KIAA1549: variants seen among roughly 807,000 people sequenced by gnomAD.
KIAA1549 encodes KIAA1549.
A neutral mutation model predicts 156.4 loss-of-function variants in KIAA1549; 70 were observed. The observed-to-expected ratio is 0.45, with a 90% CI of 0.37 to 0.55. The LOEUF (loss-of-function observed/expected upper bound fraction) is 0.55. KIAA1549 is among the 20% of genes least tolerant of loss of function. The pLI, the probability that KIAA1549 is intolerant of heterozygous loss-of-function variation, is 0.00. For synonymous variants in KIAA1549, 1,103 were observed against 1,066.4 expected (o/e 1.03, Z -0.67); for missense variants, 2,428 against 2,540.9 (o/e 0.96, Z 0.96).
At chr7:138,874,547 A>AT (rs1461580100) in intron 12 of KIAA1549, among the ~76,000 whole-genome samples, 3 of 152,210 alleles carry the variant, frequency 2.0e-5, no homozygotes, top group African/African-American at 7.2e-5. Context: ...CTTGGATGAC[A>AT]TTAAGTAAAA....
Position 138,861,134 on chromosome 7 carries a change from C to CTTA in KIAA1549, c.5247+2_5247+4dup. 1 of 1,613,610 alleles carries CTTA rather than the reference C, an allele frequency of 6.2e-7. No individual in the cohort carries two copies. The highest frequency in any genetic ancestry group is 8.5e-7 in the Non-Finnish European group (1 of 1,179,776). The stretch of plus-strand genomic sequence containing the variant: ...ATCAGAGAATTCTAGAAGGCCAGTA[C>CTTA]TTACACTGCAGGGATTGTTGGCCGT... On this transcript the variant is annotated splice_donor_region_variant and intron_variant, in intron 16 of 19. Coordinates refer to ENST00000422774, the MANE Select transcript of KIAA1549 (RefSeq NM_001164665.2).
intron 13 of KIAA1549, among the ~76,000 whole-genome samples, chr7:138,870,725 T>A (rs1456850726): frequency 6.6e-6 from 1 of 152,228 alleles, no homozygotes; most frequent in African/African-American, 2.4e-5. Flanking sequence ...ACATTAAGAA[T>A]CCTTGTCAGC....
intron 1 of KIAA1549, among the ~76,000 whole-genome samples, chr7:138,950,280 A>G (rs1356440796): frequency 6.6e-6 from 1 of 152,234 alleles, no homozygotes; most frequent in Non-Finnish European, 1.5e-5. Flanking sequence ...AATATATATA[A>G]AATTTCAAAA....
At chr7:138,902,035 G>T (rs10954637) in intron 8 of KIAA1549, among the ~76,000 whole-genome samples, 108,482 of 152,134 alleles carry the variant, frequency 0.71, 39,020 homozygotes, top group East Asian at 0.89. Context: ...TTGGGCTCTA[G>T]GAAGCCAGGG....
rs534613029 is a variant in KIAA1549, at chr7:138,880,069, T to C, written c.4230-416A>G. 2.0e-5 allele frequency among the ~76,000 whole-genome samples: 3 copies of C among 152,330 alleles called. No individual in the cohort carries two copies. The South Asian group carries it at 6.2e-4, about 32-fold the overall frequency. ...AATCCTCAGGATGCTAGAGTAGCTA[T>C]GCAGTCACCCCAAATAACTCCAGAT... On this transcript the variant is annotated intron_variant, in intron 11 of 19. Coordinates refer to ENST00000422774, the MANE Select transcript of KIAA1549 (RefSeq NM_001164665.2).
At chr7:138,865,727 T>C (rs1810719235) in intron 15 of KIAA1549, among the ~76,000 whole-genome samples, 1 of 152,106 alleles carries the variant, frequency 6.6e-6, no homozygotes, top group South Asian at 2.1e-4. Context: ...AAAACGATGC[T>C]GCAAAGCTAC....
intron 10 of KIAA1549, among the ~76,000 whole-genome samples, chr7:138,888,872 T>A (rs1811471973): frequency 2.0e-5 from 3 of 152,232 alleles, no homozygotes; most frequent in African/African-American, 7.2e-5. Flanking sequence ...CAAGCCTTTT[T>A]CAGATGCCTG....
intron 4 of KIAA1549, among the ~76,000 whole-genome samples, chr7:138,909,678 G>A (rs765371609): frequency 6.2e-4 from 94 of 152,280 alleles, no homozygotes; most frequent in African/African-American, 2.2e-3. Flanking sequence ...CAGGTACAGC[G>A]GCTCACGCCT....
In KIAA1549 at chr7:138,833,560, TA is replaced by T. The variant is rs1809605079; in HGVS notation, c.*4345del. On this transcript the variant is annotated 3_prime_UTR_variant, in exon 20 of 20. Coordinates refer to ENST00000422774, the MANE Select transcript of KIAA1549 (RefSeq NM_001164665.2). Reference sequence around the variant, plus strand: ...ATCTGGCCGGCAAACACCCACTGCTTAAAAGTCATCTGCCACCCAAATCAAA... The same window carrying T: ...ATCTGGCCGGCAAACACCCACTGCTTAAAGTCATCTGCCACCCAAATCAAA... 1 of 232,350 alleles carries T rather than the reference TA, an allele frequency of 4.3e-6. No individual in the cohort carries two copies. The highest frequency in any genetic ancestry group is 5.6e-5 in the Admixed American group (1 of 17,746). The allele number at this position is 232,350 out of a possible 1,614,324, so 14.4% of individuals were successfully genotyped here.
Position 138,871,171 on chromosome 7 carries a change from T to C in KIAA1549, c.4537A>G (p.Lys1513Glu), listed in dbSNP as rs1363744026. Reference sequence around the variant, plus strand: ...AAAGCAAATACCTCTTTGTTGATTTTATTGCTTTCCGCCACTCGGTCGGCT... The same window carrying C: ...AAAGCAAATACCTCTTTGTTGATTTCATTGCTTTCCGCCACTCGGTCGGCT... ...SPADRVAESN[K>E]INKEIQTALR... The change falls in exon 13 of 20, where the codon AAA becomes GAA. Residue 1513 changes from lysine (K) to glutamate (E), a missense_variant. By Grantham distance (56) the Lys-to-Glu change is moderately conservative. Around this residue, in one of 5 missense-constraint regions of KIAA1549, gnomAD observed 404 missense variants for 417.0 expected, o/e 0.97. Transcript: ENST00000422774. 2 of 1,612,326 alleles carry C rather than the reference T, an allele frequency of 1.2e-6. No homozygotes were observed. The highest frequency in any genetic ancestry group is 3.3e-5 in the Admixed American group (2 of 60,006).
rs12707399 is a variant in KIAA1549, at chr7:138,861,250, G to A, written c.5136C>T (p.Pro1712=). The A allele has an allele frequency of 0.12, 194,067 of 1,611,072 alleles. 12,959 individuals are homozygous for A. The highest frequency in any genetic ancestry group is 0.22 in the Middle Eastern group (1,313 of 5,890). Reference sequence around the variant, plus strand: ...TTGCGGGCAGGCCGGGTGGGACTCCGGGGCCTACACCTGCGGTGCTGGCAG... The same window carrying A: ...TTGCGGGCAGGCCGGGTGGGACTCCAGGGCCTACACCTGCGGTGCTGGCAG... The part of the protein sequence containing the change: ...SQPASTAGVG[P]GVPPGLPANS... The change falls in exon 16 of 20, where the codon CCC becomes CCT. Residue 1712 remains proline, a synonymous_variant. Coordinates refer to ENST00000422774, the MANE Select transcript of KIAA1549 (RefSeq NM_001164665.2).
At chr7:138,868,935 C>T (rs890198482) in intron 14 of KIAA1549, among the ~76,000 whole-genome samples, 4 of 152,192 alleles carry the variant, frequency 2.6e-5, no homozygotes, top group Non-Finnish European at 5.9e-5. Flanking sequence ...GCACAGGACC[C>T]ACCTGGCAGG....
At chr7:138,848,444 C>T (rs1810140161) in intron 17 of KIAA1549, among the ~76,000 whole-genome samples, 1 of 152,184 alleles carries the variant, frequency 6.6e-6, no homozygotes, top group South Asian at 2.1e-4. Context: ...CTCCTTTATT[C>T]TCCTTAAAGT....
At position 138,879,575 on chromosome 7, in the gene KIAA1549, G is replaced by A. The variant is rs377359028; in HGVS notation, c.4308C>T (p.Ala1436=). 285 of 1,568,414 alleles carry A rather than the reference G, an allele frequency of 1.8e-4. No homozygotes were observed. Among genetic ancestry groups the A allele is most frequent in the Non-Finnish European group, 2.3e-4 (261 of 1,156,432 alleles). ...ERDAGDKTPG[A]VNDGRSHRAP... is the part of the protein sequence containing the mutation. Reference sequence around the variant, plus strand: ...CTCTGTGGGACCTGCCATCGTTGACGGCTCCCGGCGTCTTATCTCCTGCGT... The same window carrying A: ...CTCTGTGGGACCTGCCATCGTTGACAGCTCCCGGCGTCTTATCTCCTGCGT... Residue 1436 remains alanine (A), a synonymous_variant, in exon 12 of 20, where the codon GCC becomes GCT. Coordinates refer to ENST00000422774, the MANE Select transcript of KIAA1549 (RefSeq NM_001164665.2).
chr7:138,886,017 G>GC lies in KIAA1549; in HGVS notation c.4033-4434dup, dbSNP rs200690474. On this transcript the variant is annotated intron_variant, in intron 10 of 19. Coordinates refer to ENST00000422774, the MANE Select transcript of KIAA1549 (RefSeq NM_001164665.2). Reference sequence around the variant, plus strand: ...AACTGCTGCTTGGTGTGTGAGGAAAGCCCCCCCCCAAATTCGGTCACAGAA... The same window carrying GC: ...AACTGCTGCTTGGTGTGTGAGGAAAGCCCCCCCCCCAAATTCGGTCACAGAA... 4.2e-3 allele frequency among the ~76,000 whole-genome samples: 608 copies of GC among 146,140 alleles called. 2 individuals carry two copies. Among genetic ancestry groups the GC allele is most frequent in the East Asian group, 0.013 (67 of 5,140 alleles).
At chr7:138,850,914 T>C (rs182790389) in intron 17 of KIAA1549, among the ~76,000 whole-genome samples, 2 of 152,314 alleles carry the variant, frequency 1.3e-5, no homozygotes, top group African/African-American at 4.8e-5. Flanking sequence ...CTTCTTGAAA[T>C]TTTTTAAGAT....
At chr7:138,929,556 C>T (rs1419054685) in intron 1 of KIAA1549, among the ~76,000 whole-genome samples, 1 of 152,132 alleles carries the variant, frequency 6.6e-6, no homozygotes, top group Non-Finnish European at 1.5e-5. Context: ...TCATAAATCA[C>T]GAATATTCTT....
chr7:138,872,422 T>C (rs540466904), intron 12 of KIAA1549, among the ~76,000 whole-genome samples: 7 of 151,406 alleles, frequency 4.6e-5, no homozygotes, highest in African/African-American at 1.7e-4. Flanking sequence ...CACTTAAAAA[T>C]ATTAACAGAG....
At position 138,956,186 on chromosome 7, in the gene KIAA1549, T is replaced by C. The variant is rs75343903; in HGVS notation, c.187+24897A>G. 6.7e-3 allele frequency among the ~76,000 whole-genome samples: 1,017 copies of C among 152,252 alleles called. 10 individuals carry two copies. Among genetic ancestry groups the C allele is most frequent in the African/African-American group, 0.024 (977 of 41,524 alleles). ...GCACTGGGTTTAAAATGACAGCTAATCACCCACAGGGATTTAGTTCATGGA... is the reference window on the plus strand; with the variant it reads ...GCACTGGGTTTAAAATGACAGCTAACCACCCACAGGGATTTAGTTCATGGA... On this transcript the variant is annotated intron_variant, in intron 1 of 19. Transcript: ENST00000422774.
Sources: allele counts gnomAD v4.1 joint callset (sites outside exome capture counted in the v4.1 genomes callset), GRCh38; gene constraint gnomAD v4.1.1; regional missense constraint gnomAD v4.1.1; transcripts MANE v1.5; gene names NCBI Gene and HGNC (gene_info 2026-07-23, HGNC 2026-07-21).